CIROZ: variants seen among roughly 807,000 people sequenced by gnomAD.
The protein encoded by CIROZ is ciliated left-right organizer protein containing ZP-N domains, also known as ciliated left-right organizer ZP-N domains-containing protein.
chr1:10,955,088 T>G, the CIROZ span: 2 of 1,614,078 alleles, frequency 1.2e-6, no homozygotes, highest in Non-Finnish European at 8.5e-7. Context: ...CGGAGGAATC[T>G]GAGGCTCAGG....
At chr1:10,966,837 T>C in the CIROZ span, among the ~76,000 whole-genome samples, 2 of 151,998 alleles carry the variant, frequency 1.3e-5, no homozygotes, top group Non-Finnish European at 2.9e-5. Context: ...GCAGATTGTG[T>C]CTCTCCTCTG....
At chr1:10,958,838 C>CA in the CIROZ span, 2 of 1,401,706 alleles carry the variant, frequency 1.4e-6, no homozygotes, top group South Asian at 2.4e-5. Flanking sequence ...TCAGCACCGG[C>CA]AATTACCCCA....
chr1:10,954,539 C>G, the CIROZ span, among the ~76,000 whole-genome samples: 3 of 152,122 alleles, frequency 2.0e-5, no homozygotes, highest in African/African-American at 7.2e-5. Context: ...TGTGGCTGTC[C>G]CCTGATGGGG....
At chr1:10,963,105 C>T in the CIROZ span, among the ~76,000 whole-genome samples, 4,457 of 145,924 alleles carry the variant, frequency 0.031, 103 homozygotes, top group Middle Eastern at 0.058. Flanking sequence ...TTTAAAAAAA[C>T]AGGCCGGGTG....
chr1:10,969,739 G>A, the CIROZ span, among the ~76,000 whole-genome samples: 10 of 152,178 alleles, frequency 6.6e-5, no homozygotes, highest in African/African-American at 2.2e-4. Context: ...ACAAGCTTGG[G>A]AACAATGGCA....
chr1:10,947,753 T>C, the CIROZ span: 2 of 1,590,694 alleles, frequency 1.3e-6, no homozygotes, highest in Non-Finnish European at 1.7e-6. Context: ...AGGTGGGCTC[T>C]GTCAGCTCCT....
chr1:10,957,478 C>T, the CIROZ span: 51 of 1,333,606 alleles, frequency 3.8e-5, no homozygotes, highest in African/African-American at 3.9e-4. Context: ...GCCCAATTTT[C>T]GAAGGCGCCT....
chr1:10,953,270 G>T, the CIROZ span, among the ~76,000 whole-genome samples: 1 of 152,196 alleles, frequency 6.6e-6, no homozygotes, highest in Admixed American at 6.5e-5. Flanking sequence ...GTCTGTCTTC[G>T]ATTGAGGACA....
At chr1:10,954,857 T>A in the CIROZ span, 2 of 978,878 alleles carry the variant, frequency 2.0e-6, no homozygotes, top group East Asian at 5.2e-5. Flanking sequence ...CTTCCCAAAG[T>A]GCTGGGATTA....
chr1:10,973,400 T>A, the CIROZ span, among the ~76,000 whole-genome samples: 47,353 of 151,872 alleles, frequency 0.31, 8,726 homozygotes, highest in African/African-American at 0.52. Context: ...ATAAAAATTT[T>A]AAAAAGACTA....
the CIROZ span, among the ~76,000 whole-genome samples, chr1:10,961,976 G>T: frequency 6.6e-6 from 1 of 152,054 alleles, no homozygotes; most frequent in Non-Finnish European, 1.5e-5. Context: ...ATGCTTGTTG[G>T]ATAAATGGTG....
the CIROZ span, chr1:10,958,816 T>C: frequency 8.9e-6 from 14 of 1,572,172 alleles, no homozygotes; most frequent in East Asian, 2.0e-4. Flanking sequence ...CAAACATCCC[T>C]GCCTGTGCCC....
At chr1:10,980,360 G>T in the CIROZ span, among the ~76,000 whole-genome samples, 1 of 152,358 alleles carries the variant, frequency 6.6e-6, no homozygotes, top group African/African-American at 2.4e-5. Context: ...ATTCAGAAGC[G>T]CCTGTGGCGA....
At chr1:10,970,926 C>T in the CIROZ span, among the ~76,000 whole-genome samples, 1 of 150,186 alleles carries the variant, frequency 6.7e-6, no homozygotes, top group South Asian at 2.1e-4. Context: ...GAGCAGATTG[C>T]TTAAGCTCAG....
the CIROZ span, among the ~76,000 whole-genome samples, chr1:10,963,314 A>T: frequency 6.6e-6 from 1 of 152,086 alleles, no homozygotes; most frequent in Non-Finnish European, 1.5e-5. Context: ...GCTTGAACCC[A>T]GGAGGCAGAT....
At chr1:10,975,232 C>G in the CIROZ span, among the ~76,000 whole-genome samples, 1 of 152,042 alleles carries the variant, frequency 6.6e-6, no homozygotes, top group Non-Finnish European at 1.5e-5. Context: ...ATGGCGAAAC[C>G]CCGTCTCTAC....
chr1:10,957,159 A>C, the CIROZ span: 1 of 1,429,658 alleles, frequency 7.0e-7, no homozygotes, highest in South Asian at 1.3e-5. Flanking sequence ...CTCCTTCCAG[A>C]TGCAGACTCC....
chr1:10,967,168 A>C, the CIROZ span, among the ~76,000 whole-genome samples: 2 of 139,402 alleles, frequency 1.4e-5, no homozygotes, highest in South Asian at 2.4e-4. Context: ...AAAAAAAAAA[A>C]AAAAACTCCA....
the CIROZ span, among the ~76,000 whole-genome samples, chr1:10,973,025 A>G: frequency 0.31 from 46,416 of 151,972 alleles, 7,999 homozygotes; most frequent in African/African-American, 0.47. Flanking sequence ...AAACGTGATT[A>G]ATGCTGGTGG....
Sources: gnomAD v4.1 joint callset for allele counts (sites outside exome capture counted in the v4.1 genomes callset) on GRCh38, gnomAD v4.1.1 for gene constraint, MANE v1.5 for transcripts, NCBI Gene and HGNC (gene_info 2026-07-23, HGNC 2026-07-21) for gene names.